The following CLASP2 variants were observed in gnomAD, a reference collection of about 807,000 sequenced individuals.
CLASP2 encodes cytoplasmic linker associated protein 2.
In CLASP2, 47 loss-of-function variants were observed where a neutral mutation model predicts 194.4. That is an observed-to-expected ratio of 0.24 (90% CI 0.19 to 0.31). The LOEUF (loss-of-function observed/expected upper bound fraction) is 0.31. Ranked by LOEUF, CLASP2 falls within the 10% of genes least tolerant of loss-of-function variation. The probability of loss-of-function intolerance (pLI) is 1.00; values close to 1 mark genes in which losing one functional copy is unlikely to be tolerated. For missense variants in CLASP2, 1,445 were observed against 1,823.6 expected (o/e 0.79, Z 3.78); for synonymous variants, 619 against 633.5 (o/e 0.98, Z 0.34).
chr3:33,585,594 A>G (rs1346530979), intron 21 of CLASP2, among the ~76,000 whole-genome samples: 3 of 152,174 alleles, frequency 2.0e-5, no homozygotes, highest in Non-Finnish European at 2.9e-5. Flanking sequence ...TTTATTTCCA[A>G]TGGTTTTTGG....
intron 37 of CLASP2, among the ~76,000 whole-genome samples, chr3:33,508,475 C>T (rs1297022358): frequency 1.3e-5 from 2 of 151,914 alleles, no homozygotes; most frequent in Admixed American, 1.3e-4. Flanking sequence ...GAATTACAGG[C>T]GTCTGCCACC....
chr3:33,551,157 C>T (rs1386366147), intron 30 of CLASP2, 95 bp downstream of exon 30: 3 of 1,083,464 alleles, frequency 2.8e-6, no homozygotes, highest in East Asian at 4.9e-5. Context: ...CTGCTAATTG[C>T]TAAGGTCCTG....
intron 10 of CLASP2, among the ~76,000 whole-genome samples, chr3:33,622,810 A>AT (rs35363056): frequency 0.011 from 1,611 of 142,406 alleles, 33 homozygotes; most frequent in East Asian, 0.1. Flanking sequence ...GCTGTAGAAC[A>AT]TTTTTTTTTT....
At position 33,544,843 on chromosome 3, in the gene CLASP2, TA is replaced by T. The variant is rs746815676; in HGVS notation, c.3154-3del. 6.3e-7 allele frequency: 1 copy of T among 1,598,686 alleles called. No homozygotes were observed. Among genetic ancestry groups the T allele is most frequent in the Non-Finnish European group, 8.5e-7 (1 of 1,173,960 alleles). ...TGAAATCAGCACTGACTGTGCTGCC[TA>T]AAAAACAAAGGCATACAGTAGATGA... On this transcript the variant is annotated splice_region_variant and splice_polypyrimidine_tract_variant and intron_variant, in intron 30 of 38. Coordinates refer to ENST00000682230, the MANE Select transcript of CLASP2 (RefSeq NM_001365631.1).
At chr3:33,523,813 T>C (rs1345888837) in intron 34 of CLASP2, among the ~76,000 whole-genome samples, 1 of 152,116 alleles carries the variant, frequency 6.6e-6, no homozygotes, top group Admixed American at 6.6e-5. Flanking sequence ...TGCCAACAAC[T>C]GAAAAGGGTG....
chr3:33,690,576 A>G (rs1021662080), intron 2 of CLASP2, among the ~76,000 whole-genome samples: 1 of 152,198 alleles, frequency 6.6e-6, no homozygotes, highest in African/African-American at 2.4e-5. Context: ...TATTACAGCT[A>G]TACAGTAGTC....
chr3:33,679,557 AT>A, intron 6 of CLASP2, among the ~76,000 whole-genome samples: 1 of 152,314 alleles, frequency 6.6e-6, no homozygotes, highest in South Asian at 2.1e-4. Context: ...TTAACAATCC[AT>A]TTTAAATAAG....
chr3:33,555,523 G>A (rs1251261698), intron 29 of CLASP2, among the ~76,000 whole-genome samples: 1 of 151,932 alleles, frequency 6.6e-6, no homozygotes, highest in Non-Finnish European at 1.5e-5. Flanking sequence ...GCACCACCAC[G>A]TCCAGCTAAT....
chr3:33,587,074 AATGGAG>A (rs2067551740), intron 21 of CLASP2, among the ~76,000 whole-genome samples: 1 of 152,092 alleles, frequency 6.6e-6, no homozygotes, highest in African/African-American at 2.4e-5. Flanking sequence ...ATAATACATA[AATGGAG>A]ACAGACTAGA....
chr3:33,685,071 T>C (rs1009444424), intron 5 of CLASP2, among the ~76,000 whole-genome samples: 22 of 151,040 alleles, frequency 1.5e-4, no homozygotes, highest in Non-Finnish European at 3.1e-4. Context: ...CCCGGCACGG[T>C]GGCTCATGCC....
chr3:33,560,915 A>G lies in CLASP2; in HGVS notation c.2823T>C (p.Asp941=). ...GCAGTACAAACAACCAATCTTGAAG[A>G]TCATCTTTGTGGACTTGTATGAAAT... ...LVDFIQVHKD[D]LQDWLFVLLT... The change falls in exon 28 of 39, where the codon GAT becomes GAC. Residue 941 remains aspartate (D), a synonymous_variant. Transcript: ENST00000682230. 1.2e-6 allele frequency: 2 copies of G among 1,613,946 alleles called. No individual in the cohort carries two copies. Among genetic ancestry groups the G allele is most frequent in the Non-Finnish European group, 8.5e-7 (1 of 1,179,826 alleles).
At chr3:33,520,310 T>TA (rs1314329196) in intron 34 of CLASP2, among the ~76,000 whole-genome samples, 30 of 152,226 alleles carry the variant, frequency 2.0e-4, no homozygotes, top group African/African-American at 7.2e-4. Context: ...CTGGCTGATA[T>TA]ATTGTCTCTT....
At chr3:33,629,741 T>C (rs1306322984) in intron 9 of CLASP2, among the ~76,000 whole-genome samples, 3 of 151,422 alleles carry the variant, frequency 2.0e-5, no homozygotes, top group Admixed American at 6.6e-5. Context: ...TATCCACAGT[T>C]GTAGTTTTGC....
intron 26 of CLASP2, among the ~76,000 whole-genome samples, chr3:33,567,891 C>T (rs1286404242): frequency 6.6e-5 from 10 of 152,134 alleles, no homozygotes; most frequent in African/African-American, 2.2e-4. Flanking sequence ...CAAACAAAGC[C>T]TACCATTTTG....
At chr3:33,560,279 G>C (rs1358410101) in intron 28 of CLASP2, among the ~76,000 whole-genome samples, 1 of 148,130 alleles carries the variant, frequency 6.8e-6, no homozygotes, top group African/African-American at 2.5e-5. Flanking sequence ...GTCTCGCTCT[G>C]TTGCCCACGC....
chr3:33,648,429 C>A (rs941145703), intron 7 of CLASP2, among the ~76,000 whole-genome samples: 2 of 151,702 alleles, frequency 1.3e-5, no homozygotes, highest in Non-Finnish European at 2.9e-5. Context: ...GGTTATTCCA[C>A]GGGAAAAAAA....
In CLASP2 at chr3:33,570,803, T is replaced by C. The variant is rs1471007634; in HGVS notation, c.2700-13A>G. On this transcript the variant is annotated splice_polypyrimidine_tract_variant and intron_variant, in intron 25 of 38. Coordinates refer to ENST00000682230, the MANE Select transcript of CLASP2 (RefSeq NM_001365631.1). Reference sequence around the variant, plus strand: ...CAGTTCAACTCGACTGCCAAGATAATACAGCGGTTAATTAATATCTTGCTG... The same window carrying C: ...CAGTTCAACTCGACTGCCAAGATAACACAGCGGTTAATTAATATCTTGCTG... The C allele has an allele frequency of 3.2e-6, 5 of 1,567,836 alleles. No homozygotes were observed. The African/African-American group carries it at 5.4e-5, about 17-fold the overall frequency.
chr3:33,543,254 G>C (rs2058657561), intron 32 of CLASP2, among the ~76,000 whole-genome samples, 179 bp downstream of exon 32: 1 of 152,092 alleles, frequency 6.6e-6, no homozygotes, highest in African/African-American at 2.4e-5. Flanking sequence ...GCACCTGTAA[G>C]CCCAGCTACT....
At chr3:33,552,175 A>T (rs1481518336) in intron 29 of CLASP2, among the ~76,000 whole-genome samples, 1 of 148,986 alleles carries the variant, frequency 6.7e-6, no homozygotes, top group East Asian at 2.0e-4. Context: ...CTGGAGTGTA[A>T]TGGTGCGATC....
Sources: allele counts gnomAD v4.1 joint callset (sites outside exome capture counted in the v4.1 genomes callset), GRCh38; gene constraint gnomAD v4.1.1; transcripts MANE v1.5; gene names NCBI Gene and HGNC (gene_info 2026-07-23, HGNC 2026-07-21).